Variants in GIGYF1 observed in about 807,000 individuals in gnomAD.
GIGYF1 encodes the protein GRB10-interacting GYF protein 1.
A neutral mutation model predicts 147.1 loss-of-function variants in GIGYF1; 84 were observed. That is an observed-to-expected ratio of 0.57 (90% CI 0.48 to 0.68). The LOEUF is 0.68. Ranked by LOEUF, GIGYF1 falls within the 30% of genes least tolerant of loss-of-function variation. The pLI is 0.00. For synonymous variants in GIGYF1, 752 were observed against 589.5 expected (o/e 1.28, Z -3.99); for missense variants, 1,485 against 1,393.7 (o/e 1.07, Z -1.04).
chr7:100,687,096 A>G (rs753028011), intron 8 of GIGYF1, 50 bp from the exon 9 acceptor site: 3 of 1,608,458 alleles, frequency 1.9e-6, no homozygotes, highest in South Asian at 1.1e-5. Context: ...CTCCCCTGCC[A>G]CCCTGTGCAA....
At position 100,684,491 on chromosome 7, in the gene GIGYF1, G is replaced by A; in HGVS notation, c.1588C>T (p.Arg530Cys). 8.1e-6 allele frequency: 13 copies of A among 1,613,564 alleles called. No individual in the cohort carries two copies. The highest frequency in any genetic ancestry group is 1.6e-4 in the Middle Eastern group (1 of 6,062). Residue 530 changes from arginine (R) to cysteine (C), a missense_variant, in exon 16 of 27, where the codon CGC becomes TGC. Coordinates refer to ENST00000678049, the MANE Select transcript of GIGYF1 (RefSeq NM_001375765.1). ...GAGGGCCCTGGGGCAAAGGGCACGCGGCCCCACATCTTGATCACCTCGCCC... is the reference window on the plus strand; with the variant it reads ...GAGGGCCCTGGGGCAAAGGGCACGCAGCCCCACATCTTGATCACCTCGCCC... ...PLGEVIKMWG[R>C]VPFAPGPSPP...
At position 100,682,122 on chromosome 7, in the gene GIGYF1, G is replaced by C; in HGVS notation, c.2875C>G (p.Leu959Val). Residue 959 changes from leucine to valine, a missense_variant, in exon 25 of 27, where the codon CTG becomes GTG. By Grantham distance (32) the Leu-to-Val change is conservative (BLOSUM62 1). Transcript: ENST00000678049. Reference protein sequence around the residue: ...LEAKEFAKQFLERRAKQKASQ... With the variant: ...LEAKEFAKQFVERRAKQKASQ... Reference sequence around the variant, plus strand: ...GCTTTCTGCTTGGCCCTCCGCTCCAGGAATTGTTTGGCAAATTCTTTGGCT... The same window carrying C: ...GCTTTCTGCTTGGCCCTCCGCTCCACGAATTGTTTGGCAAATTCTTTGGCT... 1 of 1,613,986 alleles carries C rather than the reference G, an allele frequency of 6.2e-7. No individual in the cohort carries two copies. Among genetic ancestry groups the C allele is most frequent in the Non-Finnish European group, 8.5e-7 (1 of 1,179,956 alleles).
In GIGYF1 at chr7:100,687,188, G is replaced by C. The variant is rs1237836793; in HGVS notation, c.482+110C>G. ...CGAAACCAGGGGTCAGGAGCACCGG[G>C]ATCTCGGACAGGGCTTATCTGGTGG... On this transcript the variant is annotated intron_variant, in intron 8 of 26. Coordinates refer to ENST00000678049, the MANE Select transcript of GIGYF1 (RefSeq NM_001375765.1). 4.8e-6 allele frequency: 7 copies of C among 1,451,940 alleles called. 1 individual carries two copies. Among genetic ancestry groups the C allele is most frequent in the South Asian group, 3.4e-5 (3 of 86,966 alleles). 89.9% of individuals were successfully genotyped at this position (1,451,940 alleles called of 1,614,324 possible). A position where few individuals can be genotyped will look rare whatever the true frequency, so the allele number is the denominator to read the frequency against.
At position 100,681,763 on chromosome 7, in the gene GIGYF1, G is replaced by C; in HGVS notation, c.3064C>G (p.Leu1022Val). The change falls in exon 27 of 27, where the codon CTG (leucine) becomes GTG (valine). Residue 1022 changes from leucine to valine, a missense_variant. Leu to Val is a conservative substitution (Grantham distance 32). Coordinates refer to ENST00000678049, the MANE Select transcript of GIGYF1 (RefSeq NM_001375765.1). Reference sequence around the variant, plus strand: ...TCGATCTCACCAGAAGATCCGTGCAGGGAGTACCCTGAAGCCGGGGAGAAG... The same window carrying C: ...TCGATCTCACCAGAAGATCCGTGCACGGAGTACCCTGAAGCCGGGGAGAAG... Reference protein sequence around the residue: ...HSDPSILGYSLHGSSGEIESV... With the variant: ...HSDPSILGYSVHGSSGEIESV... 1.3e-6 allele frequency: 2 copies of C among 1,589,082 alleles called. No individual in the cohort carries two copies. The highest frequency in any genetic ancestry group is 1.7e-6 in the Non-Finnish European group (2 of 1,166,464).
chr7:100,681,599 TG>T lies in GIGYF1; in HGVS notation c.*119del. On this transcript the variant is annotated 3_prime_UTR_variant, in exon 27 of 27. Coordinates refer to ENST00000678049, the MANE Select transcript of GIGYF1 (RefSeq NM_001375765.1). The stretch of plus-strand genomic sequence containing the variant: ...TGCATCGTGTGTTTGTAACAAGTGC[TG>T]GGGACCCCGCCCCTGCCTCTTCCTG... The T allele has an allele frequency of 2.3e-6, 2 of 857,286 alleles. No homozygotes were observed. Among genetic ancestry groups the T allele is most frequent in the Non-Finnish European group, 3.4e-6 (2 of 582,920 alleles). The allele number at this position is 857,286 out of a possible 1,614,324, so 53.1% of individuals were successfully genotyped here. A position where few individuals can be genotyped will look rare whatever the true frequency, so the allele number is the denominator to read the frequency against.
intron 1 of GIGYF1, among the ~76,000 whole-genome samples, chr7:100,691,771 T>G (rs912118511): frequency 5.9e-5 from 9 of 151,904 alleles, no homozygotes; most frequent in Non-Finnish European, 1.2e-4. Flanking sequence ...CTTCTCTTTC[T>G]CGGGCCTGTC....
chr7:100,685,206 CCTA>C, intron 13 of GIGYF1, 60 bp from the exon 14 acceptor site: 1 of 1,516,008 alleles, frequency 6.6e-7, no homozygotes, highest in South Asian at 1.2e-5. Flanking sequence ...ATAGCTTTCG[CCTA>C]CTCTCACTCC....
Position 100,685,470 on chromosome 7 carries a change from G to A in GIGYF1, c.1066C>T (p.Leu356=), listed in dbSNP as rs1306436104. ...EEGPEAGGKE[L]TPLPPQEEKS... ...TCCTCCTGAGGAGGCAGTGGGGTCA[G>A]CTCTTTCCCACCTAGAAGAGGGAGA... is the stretch of plus-strand genomic sequence containing the variant. The change falls in exon 13 of 27, where the codon CTG becomes TTG. Residue 356 remains leucine, a synonymous_variant. Coordinates refer to ENST00000678049, the MANE Select transcript of GIGYF1 (RefSeq NM_001375765.1). 8 of 1,600,144 alleles carry A rather than the reference G, an allele frequency of 5.0e-6. No homozygotes were observed. In the African/African-American group the frequency reaches 1.1e-4, roughly 22 times the overall value.
rs374910840 is a variant in GIGYF1 at position 100,684,711 on chromosome 7, C to T, written c.1462+12G>A. ...AACGGCCTTGAGCAGCCCTCCCATC[C>T]CACACAGGTACCTTGGATCTCGCCC... On this transcript the variant is annotated intron_variant, in intron 15 of 26. Transcript: ENST00000678049. 4 of 1,610,830 alleles carry T rather than the reference C, an allele frequency of 2.5e-6. No individual in the cohort carries two copies. In the African/African-American group the frequency reaches 5.3e-5, roughly 22 times the overall value.
rs920549298 is a variant in GIGYF1, at chr7:100,686,347, A to G, written c.781T>C (p.Cys261Arg). ...EFDLRGDRGG[C>R]GEEEGRGGGG... ...CCTCCCCGCCCCTCCTCTTCACCAC[A>G]CCCTCCTCGATCCCCTCGCAAATCA... The change falls in exon 11 of 27, where the codon TGT (cysteine) becomes CGT (arginine). Residue 261 changes from cysteine (C) to arginine (R), a missense_variant. Cys to Arg is a radical substitution (Grantham distance 180, BLOSUM62 -3). Coordinates refer to ENST00000678049, the MANE Select transcript of GIGYF1 (RefSeq NM_001375765.1). 3.1e-6 allele frequency: 5 copies of G among 1,595,836 alleles called. No individual in the cohort carries two copies. The highest frequency in any genetic ancestry group is 3.4e-6 in the Non-Finnish European group (4 of 1,173,644).
At position 100,688,192 on chromosome 7, in the gene GIGYF1, CAAGTGACTCACCACTCAGGCCCA is replaced by C; in HGVS notation, c.24_35+11del. On this transcript the variant is annotated splice_donor_variant and splice_donor_5th_base_variant and coding_sequence_variant and intron_variant, in exon 4 of 27. Coordinates refer to ENST00000678049, the MANE Select transcript of GIGYF1 (RefSeq NM_001375765.1). LOFTEE classifies it high-confidence loss of function. ...TCGAATCTCCACGGCAGCCGAGGCA[CAAGTGACTCACCACTCAGGCCCA>C]AAGTTGAGTGTCTCTGCTGCCATCG... The C allele has an allele frequency of 6.2e-7, 1 of 1,605,144 alleles. No homozygotes were observed. Among genetic ancestry groups the C allele is most frequent in the Non-Finnish European group, 8.5e-7 (1 of 1,175,152 alleles).
Position 100,682,374 on chromosome 7 carries a change from G to A in GIGYF1, c.2709C>T (p.Thr903=). The A allele has an allele frequency of 6.2e-7, 1 of 1,613,640 alleles. No homozygotes were observed. Among genetic ancestry groups the A allele is most frequent in the Non-Finnish European group, 8.5e-7 (1 of 1,179,968 alleles). The change falls in exon 24 of 27, where the codon ACC becomes ACT. Residue 903 remains threonine (T), a synonymous_variant. Transcript: ENST00000678049. The part of the protein sequence containing the change: ...QGIPRPQDGF[T]QWCEQMLHTL... ...TGTGCAGCATCTGCTCGCACCACTG[G>A]GTGAAGCCGTCCTGGGGCCTGGGAA...
In GIGYF1 at chr7:100,683,056, G is replaced by C. The variant is rs1463421509; in HGVS notation, c.2368C>G (p.Pro790Ala). The C allele has an allele frequency of 6.3e-7, 1 of 1,575,184 alleles. No individual in the cohort carries two copies. Among genetic ancestry groups the C allele is most frequent in the Non-Finnish European group, 8.6e-7 (1 of 1,166,860 alleles). The change falls in exon 22 of 27, where the codon CCA becomes GCA. Residue 790 changes from proline (P) to alanine (A), a missense_variant. Pro to Ala is a conservative substitution (Grantham distance 27). Transcript: ENST00000678049. Reference protein sequence around the residue: ...EGERQLHKQPPPREPARAQAP... With the variant: ...EGERQLHKQPAPREPARAQAP... ...TGGGCCCGAGCTGGCTCCCGAGGTG[G>C]GGGCTGTTTGTGCAGCTGCCGCTCG...
chr7:100,688,123 C>G lies in GIGYF1; in HGVS notation c.36-13G>C, dbSNP rs1248197029. Reference sequence around the variant, plus strand: ...CAGGGCCCTGAGCCTGGACACAACACAGAGAGAAGAAGACAGAGGTCAGGG... The same window carrying G: ...CAGGGCCCTGAGCCTGGACACAACAGAGAGAGAAGAAGACAGAGGTCAGGG... On this transcript the variant is annotated splice_polypyrimidine_tract_variant and intron_variant, in intron 4 of 26. Transcript: ENST00000678049. The G allele has an allele frequency of 1.4e-5, 22 of 1,605,216 alleles. No homozygotes were observed. Among genetic ancestry groups the G allele is most frequent in the East Asian group, 2.2e-5 (1 of 44,694 alleles).
At position 100,682,577 on chromosome 7, in the gene GIGYF1, G is replaced by A. The variant is rs770254421; in HGVS notation, c.2600+13C>T. The A allele has an allele frequency of 1.3e-6, 2 of 1,592,600 alleles. No individual in the cohort carries two copies. Among genetic ancestry groups the A allele is most frequent in the South Asian group, 2.2e-5 (2 of 89,082 alleles). ...CTCAGGGCCATCCCGGAGCCTCCAGGTGCCACGCCCACCTGAGAGATGGGC... is the reference window on the plus strand; with the variant it reads ...CTCAGGGCCATCCCGGAGCCTCCAGATGCCACGCCCACCTGAGAGATGGGC... On this transcript the variant is annotated intron_variant, in intron 23 of 26. Transcript: ENST00000678049.
In GIGYF1 at chr7:100,687,267, GGCTCTGCGCCATGCCCCCTCCCC is replaced by G; in HGVS notation, c.482+8_482+30del. 1 of 1,588,816 alleles carries G rather than the reference GGCTCTGCGCCATGCCCCCTCCCC, an allele frequency of 6.3e-7. No individual in the cohort carries two copies. On this transcript the variant is annotated splice_region_variant and intron_variant, in intron 8 of 26. Transcript: ENST00000678049. ...CAGGCCTCCCCTCCCTGGCCTGCCC[GGCTCTGCGCCATGCCCCCTCCCC>G]GCCCCACCTGTCATCCCAGCTCTGG... is the stretch of plus-strand genomic sequence containing the variant.
chr7:100,682,557 G>A, intron 23 of GIGYF1, 33 bp downstream of exon 23: 1 of 1,592,450 alleles, frequency 6.3e-7, no homozygotes, highest in Non-Finnish European at 8.5e-7. Flanking sequence ...TCCCCCTCAG[G>A]GCCATCCCGG....
chr7:100,684,762 G>C lies in GIGYF1; in HGVS notation c.1423C>G (p.Arg475Gly), dbSNP rs369306558. ...TALPLSHGAARKWFYKDPQGE... is the reference protein window; with the variant it reads ...TALPLSHGAAGKWFYKDPQGE... Reference sequence around the variant, plus strand: ...TGTGGGTCCTTGTAGAACCACTTCCGGGCAGCCCCATGGCTGAGCGGGAGG... The same window carrying C: ...TGTGGGTCCTTGTAGAACCACTTCCCGGCAGCCCCATGGCTGAGCGGGAGG... Residue 475 changes from arginine to glycine, a missense_variant, in exon 15 of 27, where the codon CGG becomes GGG. Physicochemically the swap from Arg to Gly is moderately radical, Grantham distance 125. Transcript: ENST00000678049. The C allele has an allele frequency of 6.8e-6, 11 of 1,612,206 alleles. No homozygotes were observed. Among genetic ancestry groups the C allele is most frequent in the Admixed American group, 3.3e-5 (2 of 59,898 alleles).
chr7:100,687,337 C>A lies in GIGYF1; in HGVS notation c.443G>T (p.Ser148Ile). 6.2e-7 allele frequency: 1 copy of A among 1,613,296 alleles called. No homozygotes were observed. Among genetic ancestry groups the A allele is most frequent in the Non-Finnish European group, 8.5e-7 (1 of 1,179,952 alleles). The stretch of plus-strand genomic sequence containing the variant: ...CTGGCTGCGCTGGATTTCCCGGGGG[C>A]TTCGTCCAAAGGCCCCATCGCCTTC... The part of the protein sequence containing the change: ...IEEGDGAFGR[S>I]PREIQRSQSW... Residue 148 changes from serine (S) to isoleucine (I), a missense_variant, in exon 8 of 27, where the codon AGC becomes ATC. Transcript: ENST00000678049.
Sources: allele counts gnomAD v4.1 joint callset (sites outside exome capture counted in the v4.1 genomes callset), GRCh38; gene constraint gnomAD v4.1.1; transcripts MANE v1.5; gene names NCBI Gene and HGNC (gene_info 2026-07-23, HGNC 2026-07-21).